The following POLD3 variants were observed in gnomAD, a reference collection of about 807,000 sequenced individuals.
POLD3 encodes DNA polymerase delta subunit 3.
Under a neutral mutation model 58.2 loss-of-function variants are expected in POLD3, and 19 were observed. The ratio of observed to expected loss-of-function variants is 0.33; its 90% CI spans 0.23 to 0.48. The LOEUF (loss-of-function observed/expected upper bound fraction) is 0.48, where lower values mean the gene tolerates loss of function less well. Among genes scored for constraint, POLD3 ranks in the 20% least tolerant of loss-of-function variants. POLD3 has a pLI of 0.99. For missense variants in POLD3, 504 were observed against 545.5 expected (o/e 0.92, Z 0.76); for synonymous variants, 172 against 193.5 (o/e 0.89, Z 0.92).
chr11:74,655,824 A>G (rs991771279), intron 4 of POLD3, among the ~76,000 whole-genome samples: 1 of 152,202 alleles, frequency 6.6e-6, no homozygotes, highest in African/African-American at 2.4e-5. Flanking sequence ...GTATCTGTTC[A>G]TGCAATATTA....
chr11:74,666,664 T>C (rs568512596), intron 4 of POLD3, among the ~76,000 whole-genome samples: 2 of 152,324 alleles, frequency 1.3e-5, no homozygotes, highest in East Asian at 1.9e-4. Flanking sequence ...CCTAAATTGA[T>C]CTACAGATTT....
At chr11:74,613,114 C>G in intron 5 of POLD3, 104 bp downstream of exon 5, 1 of 992,990 alleles carries the variant, frequency 1.0e-6, no homozygotes, top group Non-Finnish European at 1.5e-6. Context: ...TAGTAAAACC[C>G]CATTTATCTT....
rs1237860289 is a variant in POLD3, at chr11:74,640,896, T to C, written c.*130T>C. ...GTATCAAAAGACTGTTCTTTCATCC[T>C]GTGAGGTTTATACTATTTCTGGTTT... is the stretch of plus-strand genomic sequence containing the variant. On this transcript the variant is annotated 3_prime_UTR_variant, in exon 12 of 12. Transcript: ENST00000263681. 8.3e-6 allele frequency: 11 copies of C among 1,328,086 alleles called. No individual in the cohort carries two copies. The highest frequency in any genetic ancestry group is 3.0e-5 in the African/African-American group (2 of 66,368). The allele number at this position is 1,328,086 out of a possible 1,614,324, so 82.3% of individuals were successfully genotyped here. A position where few individuals can be genotyped will look rare whatever the true frequency, so the allele number is the denominator to read the frequency against.
chr11:74,649,499 T>TGA (rs1400358048), intron 4 of POLD3, among the ~76,000 whole-genome samples: 1 of 152,228 alleles, frequency 6.6e-6, no homozygotes, highest in Non-Finnish European at 1.5e-5. Flanking sequence ...AGACATTGAA[T>TGA]GACCATTATA....
rs1255210490 is a variant in POLD3, at chr11:74,640,787, A to G, written c.*21A>G. The G allele has an allele frequency of 1.7e-5, 27 of 1,547,246 alleles. No individual in the cohort carries two copies. Among genetic ancestry groups the G allele is most frequent in the African/African-American group, 2.8e-5 (2 of 72,234 alleles). ...AATAAACTGCCATCTCTGGTAGATC[A>G]GAGACTTGGAGTGGTCAAGGGAGAA... On this transcript the variant is annotated 3_prime_UTR_variant, in exon 12 of 12. Transcript: ENST00000263681.
intron 4 of POLD3, among the ~76,000 whole-genome samples, chr11:74,648,559 C>A (rs779040924): frequency 6.6e-6 from 1 of 152,022 alleles, no homozygotes; most frequent in African/African-American, 2.4e-5. Flanking sequence ...AGATGGAAAG[C>A]GAGAAGGGCA....
chr11:74,652,856 G>A (rs148950673), intron 4 of POLD3: 2 of 169,050 alleles, frequency 1.2e-5, no homozygotes, highest in South Asian at 1.6e-4. Context: ...AGCTTTGGCA[G>A]CACAATATAT....
At chr11:74,607,416 C>T (rs1174000318) in intron 3 of POLD3, among the ~76,000 whole-genome samples, 1 of 150,284 alleles carries the variant, frequency 6.7e-6, no homozygotes, top group Non-Finnish European at 1.5e-5. Flanking sequence ...GCGCCCGCCA[C>T]CACGCCCGGC....
intron 8 of POLD3, among the ~76,000 whole-genome samples, chr11:74,627,305 T>A (rs1019457562): frequency 5.9e-5 from 9 of 152,048 alleles, no homozygotes; most frequent in East Asian, 1.9e-4. Context: ...AAATAAAAAA[T>A]TTTTAAAATA....
intron 4 of POLD3, among the ~76,000 whole-genome samples, chr11:74,653,725 C>T (rs11236189): frequency 0.39 from 59,888 of 151,744 alleles, 13,448 homozygotes; most frequent in Non-Finnish European, 0.51. Context: ...ATGAACACTT[C>T]AATTAAAAGG....
chr11:74,647,608 G>A (rs898134170), downstream of POLD3, among the ~76,000 whole-genome samples: 1 of 152,158 alleles, frequency 6.6e-6, no homozygotes, highest in African/African-American at 2.4e-5. Context: ...TGTGGCTTGA[G>A]TCATTAAATG....
intron 5 of POLD3, 40 bp from the exon 6 acceptor site, chr11:74,618,497 A>G (rs1157320806): frequency 4.0e-6 from 6 of 1,504,222 alleles, no homozygotes; most frequent in East Asian, 2.3e-5. Flanking sequence ...CCAAGAATGC[A>G]TATGCTGACA....
At chr11:74,603,531 C>G (rs2031571909) in intron 2 of POLD3, among the ~76,000 whole-genome samples, 2 of 152,230 alleles carry the variant, frequency 1.3e-5, no homozygotes, top group East Asian at 3.9e-4. Context: ...ACTGAAAGTT[C>G]CACATCCCAA....
intron 4 of POLD3, among the ~76,000 whole-genome samples, chr11:74,654,690 A>G (rs1001193019): frequency 2.0e-5 from 3 of 152,214 alleles, no homozygotes; most frequent in Non-Finnish European, 4.4e-5. Context: ...CAGCTTGGTC[A>G]CCATAGTAAT....
chr11:74,623,986 G>C (rs191312768), intron 7 of POLD3, among the ~76,000 whole-genome samples: 5 of 152,258 alleles, frequency 3.3e-5, no homozygotes, highest in Admixed American at 3.3e-4. Flanking sequence ...TTTTAATTCA[G>C]ATCAGTTTTC....
chr11:74,593,909 T>C, intron 1 of POLD3, 152 bp from the exon 2 acceptor site: 1 of 561,226 alleles, frequency 1.8e-6, no homozygotes, highest in Non-Finnish European at 3.2e-6. Context: ...CCTACCCAGA[T>C]AGATAGTTCT....
intron 11 of POLD3, among the ~76,000 whole-genome samples, chr11:74,636,928 CTT>C (rs2032765994): frequency 6.6e-6 from 1 of 152,204 alleles, no homozygotes; most frequent in Non-Finnish European, 1.5e-5. Flanking sequence ...GTTTTAGCTT[CTT>C]CTACCCTTTC....
chr11:74,628,124 T>TTA (rs2032484295), intron 8 of POLD3, among the ~76,000 whole-genome samples: 1 of 152,148 alleles, frequency 6.6e-6, no homozygotes, highest in African/African-American at 2.4e-5. Flanking sequence ...TGATCTAAAT[T>TTA]GTTGAGTTTA....
At chr11:74,613,953 C>G (rs868160106) in intron 5 of POLD3, among the ~76,000 whole-genome samples, 27 of 152,138 alleles carry the variant, frequency 1.8e-4, no homozygotes, top group Admixed American at 5.9e-4. Context: ...GTTATGATAT[C>G]TCAGTTGAGG....
Sources: allele counts gnomAD v4.1 joint callset (sites outside exome capture counted in the v4.1 genomes callset), GRCh38; gene constraint gnomAD v4.1.1; transcripts MANE v1.5; gene names NCBI Gene and HGNC (gene_info 2026-07-23, HGNC 2026-07-21).